The following GRIA1 variants were observed in gnomAD, a reference collection of about 807,000 sequenced individuals.
GRIA1 encodes glutamate receptor 1.
In GRIA1, 31 loss-of-function variants were observed where a neutral mutation model predicts 99.2. That is an observed-to-expected ratio of 0.31 (90% CI 0.23 to 0.42). The LOEUF (loss-of-function observed/expected upper bound fraction) is 0.42, where lower values mean the gene tolerates loss of function less well. GRIA1 is among the 10% of genes least tolerant of loss of function. The probability of loss-of-function intolerance (pLI) is 1.00; values close to 1 mark genes in which losing one functional copy is unlikely to be tolerated. For missense variants in GRIA1, 782 were observed against 1,157.5 expected (o/e 0.68, Z 4.71); for synonymous variants, 438 against 432.4 (o/e 1.01, Z -0.16).
chr5:153,788,034 C>T (rs946663511), intron 13 of GRIA1, among the ~76,000 whole-genome samples: 1 of 151,836 alleles, frequency 6.6e-6, no homozygotes, highest in African/African-American at 2.4e-5. Context: ...GAGCTGAGAT[C>T]ATGCCACTGC....
At chr5:153,515,337 T>A (rs1756509192) in intron 2 of GRIA1, among the ~76,000 whole-genome samples, 1 of 152,202 alleles carries the variant, frequency 6.6e-6, no homozygotes, top group African/African-American at 2.4e-5. Context: ...AACATGAATA[T>A]AACTAGAGGA....
At chr5:153,595,038 G>C (rs970672489) in intron 2 of GRIA1, among the ~76,000 whole-genome samples, 1 of 151,908 alleles carries the variant, frequency 6.6e-6, no homozygotes, top group Non-Finnish European at 1.5e-5. Flanking sequence ...TGCTAAGTCA[G>C]TTACCTTCAT....
chr5:153,660,630 C>T (rs1639552055), intron 5 of GRIA1, among the ~76,000 whole-genome samples: 1 of 152,128 alleles, frequency 6.6e-6, no homozygotes. Context: ...AACCCAGGCT[C>T]TCAAATTCCC....
chr5:153,567,769 T>C (rs2149359513), intron 2 of GRIA1, among the ~76,000 whole-genome samples: 1 of 152,250 alleles, frequency 6.6e-6, no homozygotes, highest in East Asian at 1.9e-4. Flanking sequence ...GGGGATGCAC[T>C]TGATGTGTTT....
rs550856571 is a variant in GRIA1 at position 153,769,637 on chromosome 5, T to A, written c.2023-531T>A. On this transcript the variant is annotated intron_variant, in intron 12 of 15. Coordinates refer to ENST00000285900, the MANE Select transcript of GRIA1 (RefSeq NM_000827.4). ...CTTTATTAGACAACAATATATTTGA[T>A]TGGTGCAAAAGTAATTGAGGTTTTT... is the stretch of plus-strand genomic sequence containing the variant. 3.3e-5 allele frequency among the ~76,000 whole-genome samples: 5 copies of A among 151,940 alleles called. No individual in the cohort carries two copies. The East Asian group carries it at 9.8e-4, about 30-fold the overall frequency.
In GRIA1 at chr5:153,773,106, T is replaced by C. The variant is rs139440156; in HGVS notation, c.2270+2691T>C. Among the ~76,000 whole-genome samples the C allele has an allele frequency of 8.4e-3, 1,284 of 152,294 alleles. 7 individuals carry two copies. The highest frequency in any genetic ancestry group is 0.014 in the South Asian group (66 of 4,822). On this transcript the variant is annotated intron_variant, in intron 13 of 15. Transcript: ENST00000285900. Reference sequence around the variant, plus strand: ...CTTTCCACTATAATAAAAACCATCATTGAGTCAGTGCCTATTAAGTGCCAC... The same window carrying C: ...CTTTCCACTATAATAAAAACCATCACTGAGTCAGTGCCTATTAAGTGCCAC...
At chr5:153,630,344 G>T (rs370610045) in intron 2 of GRIA1, among the ~76,000 whole-genome samples, 57 of 152,054 alleles carry the variant, frequency 3.7e-4, no homozygotes, top group African/African-American at 1.1e-3. Flanking sequence ...TCTTTTCTTA[G>T]ATATGTGAGG....
At chr5:153,570,405 C>T (rs545411635) in intron 2 of GRIA1, among the ~76,000 whole-genome samples, 220 of 152,288 alleles carry the variant, frequency 1.4e-3, no homozygotes, top group Non-Finnish European at 2.6e-3. Flanking sequence ...GCTCAGCCAC[C>T]AACTTCAAAA....
intron 2 of GRIA1, chr5:153,558,212 A>G (rs1760820706): frequency 6.6e-6 from 1 of 152,152 alleles, no homozygotes; most frequent in South Asian, 2.1e-4. Flanking sequence ...TGTTAACCAA[A>G]ACATCATTAT....
chr5:153,730,364 A>T (rs1286633667), intron 11 of GRIA1, among the ~76,000 whole-genome samples: 1 of 152,120 alleles, frequency 6.6e-6, no homozygotes, highest in Non-Finnish European at 1.5e-5. Flanking sequence ...TGATGAATGT[A>T]TGTTGAGCTA....
At chr5:153,661,252 G>A (rs1755351414) in intron 5 of GRIA1, among the ~76,000 whole-genome samples, 1 of 152,186 alleles carries the variant, frequency 6.6e-6, no homozygotes, top group African/African-American at 2.4e-5. Context: ...AGGTGGTATA[G>A]TAGTTGGGAA....
At chr5:153,732,759 A>G (rs1483741783) in intron 11 of GRIA1, among the ~76,000 whole-genome samples, 1 of 151,722 alleles carries the variant, frequency 6.6e-6, no homozygotes, top group Non-Finnish European at 1.5e-5. Context: ...TGCTTTTTCT[A>G]TTTGTGTTTT....
intron 2 of GRIA1, among the ~76,000 whole-genome samples, chr5:153,598,610 T>C (rs576132929): frequency 9.2e-5 from 14 of 152,270 alleles, no homozygotes; most frequent in African/African-American, 3.4e-4. Flanking sequence ...ATCTTACTTA[T>C]TAGCCTCCCT....
chr5:153,524,216 A>G (rs887137571), intron 2 of GRIA1, among the ~76,000 whole-genome samples: 19 of 152,154 alleles, frequency 1.2e-4, no homozygotes, highest in African/African-American at 4.6e-4. Context: ...AGTCCCAGCT[A>G]CTCAGGAGGC....
At chr5:153,784,613 G>C (rs1237005290) in intron 13 of GRIA1, among the ~76,000 whole-genome samples, 1 of 152,086 alleles carries the variant, frequency 6.6e-6, no homozygotes, top group East Asian at 1.9e-4. Context: ...GGAACCCGGG[G>C]ATGTCTGCAT....
intron 2 of GRIA1, among the ~76,000 whole-genome samples, chr5:153,645,534 G>T (rs531048224): frequency 6.6e-6 from 1 of 152,142 alleles, no homozygotes; most frequent in Non-Finnish European, 1.5e-5. Context: ...GATAAAAATG[G>T]GTAGAATTCC....
chr5:153,554,758 T>C (rs1760469505), intron 2 of GRIA1, among the ~76,000 whole-genome samples: 1 of 152,180 alleles, frequency 6.6e-6, no homozygotes, highest in Non-Finnish European at 1.5e-5. Context: ...CCTCCCAAAG[T>C]GCTGGAATTA....
chr5:153,565,996 T>G (rs1439634251), intron 2 of GRIA1, among the ~76,000 whole-genome samples: 1 of 152,176 alleles, frequency 6.6e-6, no homozygotes, highest in Non-Finnish European at 1.5e-5. Flanking sequence ...TACCTAGTGG[T>G]GAAATTGCTG....
chr5:153,652,698 T>A (rs1346098530), intron 4 of GRIA1, among the ~76,000 whole-genome samples: 1 of 152,264 alleles, frequency 6.6e-6, no homozygotes, highest in Non-Finnish European at 1.5e-5. Context: ...TTCATTCATC[T>A]ATTTTGAAAA....
Sources: allele counts gnomAD v4.1 joint callset (sites outside exome capture counted in the v4.1 genomes callset), GRCh38; gene constraint gnomAD v4.1.1; transcripts MANE v1.5; gene names NCBI Gene and HGNC (gene_info 2026-07-23, HGNC 2026-07-21).